PCDHA7: variants seen among roughly 807,000 people sequenced by gnomAD.
PCDHA7 encodes protocadherin alpha-7.
Under a neutral mutation model 57.2 loss-of-function variants are expected in PCDHA7, and 37 were observed. That is an observed-to-expected ratio of 0.65 (90% CI 0.50 to 0.85). The LOEUF (loss-of-function observed/expected upper bound fraction) is 0.85, where lower values mean the gene tolerates loss of function less well. Ranked by LOEUF, PCDHA7 falls within the 40% of genes least tolerant of loss-of-function variation. The pLI is 0.00. For missense variants in PCDHA7, 1,188 were observed against 1,241.8 expected, an observed-to-expected ratio of 0.96 and a Z score of 0.65; for synonymous variants, 553 against 558.8, an observed-to-expected ratio of 0.99 and a Z score of 0.15.
intron 1 of PCDHA7, chr5:140,857,836 G>T: frequency 6.3e-7 from 1 of 1,597,926 alleles, no homozygotes; most frequent in Non-Finnish European, 8.6e-7. Context: ...TGCGCGCAGT[G>T]GACGCTGACT....
At chr5:140,927,754 C>T (rs1554205003) in intron 1 of PCDHA7, 1 of 1,614,030 alleles carries the variant, frequency 6.2e-7, no homozygotes, top group African/African-American at 1.3e-5. Flanking sequence ...TCACGTGCAC[C>T]CTAAAAGTGG....
chr5:140,925,964 CA>C lies in PCDHA7; in HGVS notation c.2356-52976del, dbSNP rs782520997. Among the ~76,000 whole-genome samples the C allele has an allele frequency of 8.1e-3, 1,224 of 150,190 alleles. 5 individuals carry two copies. The highest frequency in any genetic ancestry group is 0.019 in the African/African-American group (788 of 40,962). ...TGGAGAAGGAGAAACTGCTATCACG[CA>C]AAAAAAAAGCCTTGAGCTCGCTGGC... On this transcript the variant is annotated intron_variant, in intron 1 of 3. Transcript: ENST00000525929.
chr5:140,976,798 A>G (rs571590033), intron 1 of PCDHA7, among the ~76,000 whole-genome samples: 169 of 152,368 alleles, frequency 1.1e-3, no homozygotes, highest in Admixed American at 1.8e-3. Context: ...GCTTTTATGA[A>G]TATCTGAAGA....
intron 1 of PCDHA7, chr5:140,882,150 C>T: frequency 1.3e-6 from 2 of 1,501,768 alleles, no homozygotes; most frequent in Non-Finnish European, 1.8e-6. Context: ...TAGCAGAAAG[C>T]GGAATACCTC....
chr5:140,961,435 C>T (rs1554225413), intron 1 of PCDHA7, among the ~76,000 whole-genome samples: 1 of 152,174 alleles, frequency 6.6e-6, no homozygotes, highest in Non-Finnish European at 1.5e-5. Flanking sequence ...TACAAAATCA[C>T]CTAACTACAC....
chr5:140,866,367 C>T (rs1375421273), intron 1 of PCDHA7: 1 of 152,082 alleles, frequency 6.6e-6, no homozygotes, highest in African/African-American at 2.4e-5. Flanking sequence ...ATATTGCATA[C>T]TTCAATAACA....
intron 1 of PCDHA7, chr5:140,876,308 A>G: frequency 6.2e-7 from 1 of 1,614,070 alleles, no homozygotes; most frequent in Non-Finnish European, 8.5e-7. Flanking sequence ...GAAATTTCCT[A>G]TGGGATCAAA....
In PCDHA7 at chr5:140,927,516, C is replaced by T. The variant is rs782661477; in HGVS notation, c.2356-51433C>T. 3.1e-6 allele frequency: 5 copies of T among 1,613,948 alleles called. No homozygotes were observed. The South Asian group carries it at 4.4e-5, about 14-fold the overall frequency. Reference sequence around the variant, plus strand: ...TGCTGGTGCTTACAGCTCGGGACGGCGGGCTACCTGCCCGCTCAGGAGACG... The same window carrying T: ...TGCTGGTGCTTACAGCTCGGGACGGTGGGCTACCTGCCCGCTCAGGAGACG... On this transcript the variant is annotated intron_variant, in intron 1 of 3. Transcript: ENST00000525929.
At chr5:140,869,526 G>C (rs1363521095) in intron 1 of PCDHA7, 1 of 1,614,194 alleles carries the variant, frequency 6.2e-7, no homozygotes, top group Non-Finnish European at 8.5e-7. Context: ...AAAAGCTGCT[G>C]ATTGCGGAAT....
chr5:140,950,694 T>C (rs1361506103), intron 1 of PCDHA7, among the ~76,000 whole-genome samples: 4 of 152,104 alleles, frequency 2.6e-5, no homozygotes, highest in African/African-American at 9.7e-5. Flanking sequence ...TAACCAAATT[T>C]GACAAATTTT....
intron 1 of PCDHA7, among the ~76,000 whole-genome samples, chr5:140,964,393 C>T (rs782008532): frequency 6.6e-6 from 1 of 152,098 alleles, no homozygotes; most frequent in Admixed American, 6.5e-5. Context: ...GTTTTTCTCC[C>T]AAGACATGAC....
intron 1 of PCDHA7, chr5:140,852,259 C>G: frequency 2.0e-6 from 1 of 509,052 alleles, no homozygotes; most frequent in Non-Finnish European, 2.6e-6. Flanking sequence ...TTGGAATATG[C>G]TACAATATTA....
intron 1 of PCDHA7, among the ~76,000 whole-genome samples, chr5:140,839,198 C>A (rs1030704020): frequency 1.9e-5 from 2 of 106,890 alleles, no homozygotes; most frequent in African/African-American, 9.0e-5. Context: ...CTATAAATAT[C>A]TTTGACCTTC....
intron 1 of PCDHA7, chr5:140,967,766 T>C: frequency 6.2e-7 from 1 of 1,614,218 alleles, no homozygotes; most frequent in Non-Finnish European, 8.5e-7. Flanking sequence ...CTACCAGATC[T>C]ATGTGCAGGC....
intron 1 of PCDHA7, chr5:140,869,187 C>G (rs782446170): frequency 2.5e-6 from 4 of 1,613,830 alleles, no homozygotes; most frequent in African/African-American, 1.3e-5. Flanking sequence ...AGGTGGGGAG[C>G]GGCCAGCTCC....
rs2150216490 is a variant in PCDHA7, at chr5:140,834,394, C to A, written c.11C>A (p.Pro4Gln). 1.3e-6 allele frequency: 2 copies of A among 1,596,908 alleles called. No homozygotes were observed. Among genetic ancestry groups the A allele is most frequent in the Admixed American group, 1.7e-5 (1 of 58,030 alleles). Reference protein sequence around the residue: MVCPNGYDPGGRHL... With the variant: MVCQNGYDPGGRHL... ...AGCCAATAATTTGAAATGGTGTGCCCGAATGGATACGACCCAGGGGGCCGA... is the reference window on the plus strand; with the variant it reads ...AGCCAATAATTTGAAATGGTGTGCCAGAATGGATACGACCCAGGGGGCCGA... Residue 4 changes from proline to glutamine, a missense_variant, in exon 1 of 4, where the codon CCG (proline) becomes CAG (glutamine). Around this residue, in one of 3 missense-constraint regions of PCDHA7, gnomAD observed 194 missense variants for 185.8 expected, o/e 1.04. Coordinates refer to ENST00000525929, the MANE Select transcript of PCDHA7 (RefSeq NM_018910.3).
At chr5:140,884,833 C>A in intron 1 of PCDHA7, 2 of 916,632 alleles carry the variant, frequency 2.2e-6, no homozygotes, top group Non-Finnish European at 3.1e-6. Context: ...GTTGGATTAT[C>A]CTTCAGAGTG....
intron 1 of PCDHA7, chr5:140,857,005 A>C: frequency 6.3e-7 from 1 of 1,595,528 alleles, no homozygotes; most frequent in East Asian, 2.2e-5. Context: ...AAATTCATGT[A>C]GATGTTACAG....
chr5:140,844,369 C>G (rs1345474134), intron 1 of PCDHA7, among the ~76,000 whole-genome samples: 1 of 149,206 alleles, frequency 6.7e-6, no homozygotes, highest in Admixed American at 6.7e-5. Context: ...GATTTGTAAT[C>G]CTTCTTTTAA....
Sources: allele counts gnomAD v4.1 joint callset (sites outside exome capture counted in the v4.1 genomes callset), GRCh38; gene constraint gnomAD v4.1.1; regional missense constraint gnomAD v4.1.1; transcripts MANE v1.5; gene names NCBI Gene and HGNC (gene_info 2026-07-23, HGNC 2026-07-21).